Variants in ZNF385D observed in about 807,000 individuals in gnomAD.
ZNF385D encodes zinc finger protein 385D, also known as zinc finger protein 659.
A neutral mutation model predicts 35.8 loss-of-function variants in ZNF385D; 15 were observed. That is an observed-to-expected ratio of 0.42 (90% CI 0.28 to 0.64). ZNF385D has a LOEUF of 0.64. ZNF385D is among the 30% of genes least tolerant of loss of function. The pLI is 0.23. For synonymous variants in ZNF385D, 212 were observed against 186.8 expected, an observed-to-expected ratio of 1.13 and a Z score of -1.10; for missense variants, 474 against 494.6, an observed-to-expected ratio of 0.96 and a Z score of 0.39.
chr3:22,343,636 C>T (rs1225703795), intron 2 of ZNF385D, among the ~76,000 whole-genome samples: 4 of 152,196 alleles, frequency 2.6e-5, no homozygotes, highest in Non-Finnish European at 5.9e-5. Context: ...CATTTCTTCA[C>T]CTCACTCCCT....
intron 2 of ZNF385D, among the ~76,000 whole-genome samples, chr3:22,196,161 C>A (rs1043199954): frequency 6.6e-6 from 1 of 151,802 alleles, no homozygotes; most frequent in Non-Finnish European, 1.5e-5. Flanking sequence ...GCAATTGTAC[C>A]CCTGAACTTA....
At chr3:21,891,349 G>T (rs1698855527) in intron 3 of ZNF385D, among the ~76,000 whole-genome samples, 1 of 152,070 alleles carries the variant, frequency 6.6e-6, no homozygotes, top group Admixed American at 6.6e-5. Flanking sequence ...AATACATTTT[G>T]ATACCTTAAA....
chr3:21,914,313 A>C (rs1206799683), intron 3 of ZNF385D, among the ~76,000 whole-genome samples: 1 of 151,856 alleles, frequency 6.6e-6, no homozygotes, highest in Non-Finnish European at 1.5e-5. Flanking sequence ...GTTAGTAAGT[A>C]AATTATCTTC....
chr3:21,985,097 T>A (rs886462039), intron 3 of ZNF385D, among the ~76,000 whole-genome samples: 18 of 132,822 alleles, frequency 1.4e-4, no homozygotes, highest in African/African-American at 3.3e-4. Context: ...AGATAAACAA[T>A]CATGTCGTCT....
chr3:21,721,045 C>A (rs530079787), intron 1 of ZNF385D, among the ~76,000 whole-genome samples: 1 of 152,040 alleles, frequency 6.6e-6, no homozygotes. Flanking sequence ...CCTTTCTTAT[C>A]AAAAGAAAGT....
At chr3:21,879,991 C>G (rs1010181791) in intron 3 of ZNF385D, among the ~76,000 whole-genome samples, 2 of 151,832 alleles carry the variant, frequency 1.3e-5, no homozygotes, top group African/African-American at 4.8e-5. Context: ...TTTGTCTCTC[C>G]CTGGCATCAT....
At chr3:21,597,088 A>G (rs1202008145) in intron 2 of ZNF385D, among the ~76,000 whole-genome samples, 1 of 152,234 alleles carries the variant, frequency 6.6e-6, no homozygotes, top group Non-Finnish European at 1.5e-5. Flanking sequence ...AATACTGACC[A>G]CTGACTGGAA....
intron 3 of ZNF385D, among the ~76,000 whole-genome samples, chr3:22,092,925 A>C (rs1195076153): frequency 6.6e-6 from 1 of 152,190 alleles, no homozygotes; most frequent in Non-Finnish European, 1.5e-5. Flanking sequence ...TCTTGAAATT[A>C]CTAAAGCAAA....
intron 3 of ZNF385D, among the ~76,000 whole-genome samples, chr3:21,815,808 A>C (rs765986659): frequency 6.6e-6 from 1 of 152,070 alleles, no homozygotes; most frequent in Admixed American, 6.5e-5. Context: ...GAAAAAGAGG[A>C]AATCCTCCCT....
chr3:21,790,391 T>C (rs1039853845), intron 3 of ZNF385D, among the ~76,000 whole-genome samples: 2 of 152,186 alleles, frequency 1.3e-5, no homozygotes, highest in African/African-American at 2.4e-5. Context: ...ATTTTACTTA[T>C]GTAGAACTAA....
chr3:22,216,060 T>G (rs1293216026), intron 2 of ZNF385D, among the ~76,000 whole-genome samples: 1 of 152,046 alleles, frequency 6.6e-6, no homozygotes, highest in Non-Finnish European at 1.5e-5. Flanking sequence ...AGGCAAAATA[T>G]ATCCCTACTG....
At chr3:21,641,171 T>C (rs1203988324) in intron 2 of ZNF385D, among the ~76,000 whole-genome samples, 1 of 152,126 alleles carries the variant, frequency 6.6e-6, no homozygotes, top group Non-Finnish European at 1.5e-5. Context: ...CAAGTTCCTG[T>C]GGTGAGCATC....
chr3:22,079,941 TATAG>T lies in ZNF385D; in HGVS notation c.325+88872_325+88875del, dbSNP rs754891696. Among the ~76,000 whole-genome samples, 19 of 152,054 alleles carry T rather than the reference TATAG, an allele frequency of 1.2e-4. No individual in the cohort carries two copies. In the South Asian group the frequency reaches 2.7e-3, roughly 22 times the overall value. On this transcript the variant is annotated intron_variant, in intron 3 of 5. Transcript: ENST00000494108. ...ATGTGTGTACATATATACATATGTA[TATAG>T]ATAGATAGATAGGTATTCTAAAAGC...
intron 2 of ZNF385D, among the ~76,000 whole-genome samples, chr3:22,196,383 G>A (rs1237516989): frequency 6.6e-6 from 1 of 151,932 alleles, no homozygotes; most frequent in Non-Finnish European, 1.5e-5. Context: ...ATAGAAGTAG[G>A]ATTGTCACTT....
intron 3 of ZNF385D, among the ~76,000 whole-genome samples, chr3:21,788,185 G>A (rs1453809352): frequency 6.6e-6 from 1 of 152,158 alleles, no homozygotes; most frequent in Non-Finnish European, 1.5e-5. Flanking sequence ...GAAATAGAAA[G>A]ATAGTAAGAT....
intron 3 of ZNF385D, among the ~76,000 whole-genome samples, chr3:21,866,993 A>C (rs1697400121): frequency 6.6e-6 from 1 of 152,078 alleles, no homozygotes; most frequent in Non-Finnish European, 1.5e-5. Context: ...TACATAACAG[A>C]ACACCTGACA....
At chr3:21,828,947 T>C (rs1263663000) in intron 3 of ZNF385D, among the ~76,000 whole-genome samples, 1 of 152,182 alleles carries the variant, frequency 6.6e-6, no homozygotes, top group Non-Finnish European at 1.5e-5. Context: ...TTCACTGACT[T>C]TGTCCCTCTT....
chr3:21,997,900 T>C (rs1179776358), intron 3 of ZNF385D, among the ~76,000 whole-genome samples: 2 of 150,378 alleles, frequency 1.3e-5, no homozygotes, highest in Admixed American at 1.3e-4. Context: ...TGTGTGTGTG[T>C]GTGTGTGACA....
intron 3 of ZNF385D, among the ~76,000 whole-genome samples, chr3:21,794,211 G>A (rs1376626449): frequency 6.6e-6 from 1 of 151,968 alleles, no homozygotes; most frequent in South Asian, 2.1e-4. Flanking sequence ...TTGCTGCTTG[G>A]GGAGTAGGAG....
Sources: gnomAD v4.1 joint callset for allele counts (sites outside exome capture counted in the v4.1 genomes callset) on GRCh38, gnomAD v4.1.1 for gene constraint, MANE v1.5 for transcripts, NCBI Gene and HGNC (gene_info 2026-07-23, HGNC 2026-07-21) for gene names.